Variants in ZNF487 observed in about 807,000 individuals in gnomAD.
ZNF487 encodes the protein zinc finger protein 487.
ZNF487 carries 4 observed loss-of-function variants against 3.0 expected under a neutral mutation model. The observed-to-expected ratio is 1.35, with a 90% CI of 0.66 to 3.08. ZNF487 has a LOEUF of 3.08. Ranked by LOEUF, ZNF487 falls within the 30% of genes most tolerant of loss-of-function variation. The pLI is 0.01. For missense variants in ZNF487, 146 were observed against 98.7 expected (o/e 1.48, Z -2.03); for synonymous variants, 55 against 34.6 (o/e 1.59, Z -2.06).
rs562833703 is a variant in ZNF487, at chr10:43,480,625, A to G, written c.131-804A>G. 5.9e-5 allele frequency among the ~76,000 whole-genome samples: 9 copies of G among 152,008 alleles called. No individual in the cohort carries two copies. In the South Asian group the frequency reaches 1.7e-3, roughly 28 times the overall value. On this transcript the variant is annotated intron_variant, in intron 3 of 3. Transcript: ENST00000437590. ...GAGATGGGGTTTTGCCATGTTGGCC[A>G]GGCTGGTCTGGAACGCTTGACTTCA...
rs74137730 is a variant in ZNF487, at chr10:43,437,320, A to G, written c.-94+58A>G. On this transcript the variant is annotated intron_variant, in intron 1 of 3. Coordinates refer to ENST00000437590, the MANE Select transcript of ZNF487 (RefSeq NM_001355444.3). ...TGAGGTCGAGGGCCGCACACCCAGG[A>G]TCGAGCGGGGACTGGGCCCGCTGGG... 3.4e-3 allele frequency: 613 copies of G among 181,590 alleles called. 4 individuals are homozygous for G. Among genetic ancestry groups the G allele is most frequent in the African/African-American group, 0.014 (590 of 41,644 alleles). The allele number at this position is 181,590 out of a possible 1,614,324, so 11.2% of individuals were successfully genotyped here.
At chr10:43,487,941 A>AT (rs1325313620), downstream of ZNF487, among the ~76,000 whole-genome samples, 2 of 148,880 alleles carry the variant, frequency 1.3e-5, no homozygotes, top group Non-Finnish European at 3.0e-5. Context: ...AAAAAAAAAA[A>AT]AAAAAAAAAA....
chr10:43,447,020 C>G (rs182569510), intron 1 of ZNF487, among the ~76,000 whole-genome samples: 1 of 151,852 alleles, frequency 6.6e-6, no homozygotes, highest in Non-Finnish European at 1.5e-5. Flanking sequence ...GGCGAAACCC[C>G]GTCTCCACCA....
At chr10:43,499,459 C>T in the ZNF487 span, among the ~76,000 whole-genome samples, 1 of 152,114 alleles carries the variant, frequency 6.6e-6, no homozygotes, top group Non-Finnish European at 1.5e-5. Flanking sequence ...CTCTGATGCC[C>T]AGGCTGGAGT....
At chr10:43,443,397 G>A (rs1839689024) in intron 1 of ZNF487, among the ~76,000 whole-genome samples, 1 of 144,054 alleles carries the variant, frequency 6.9e-6, no homozygotes, top group African/African-American at 2.6e-5. Flanking sequence ...TTTTTGAGAT[G>A]GAGTCTTGCT....
chr10:43,437,009 C>T (rs1292325712), upstream of ZNF487: 1 of 385,484 alleles, frequency 2.6e-6, no homozygotes, highest in Non-Finnish European at 5.5e-6. Flanking sequence ...GCCGAGCCCC[C>T]GCTAGGCACG....
chr10:43,522,865 T>G, the ZNF487 span, among the ~76,000 whole-genome samples: 1 of 152,256 alleles, frequency 6.6e-6, no homozygotes, highest in Non-Finnish European at 1.5e-5. Context: ...ATTTTTTCTT[T>G]GCCGTCACCC....
the ZNF487 span, among the ~76,000 whole-genome samples, chr10:43,505,328 A>G: frequency 4.6e-5 from 7 of 151,990 alleles, no homozygotes; most frequent in Admixed American, 1.3e-4. Context: ...TCTGTCACCT[A>G]GACTGGAGTG....
At chr10:43,451,876 T>A (rs971213131) in intron 1 of ZNF487, 8 of 152,222 alleles carry the variant, frequency 5.3e-5, no homozygotes, top group African/African-American at 1.9e-4. Context: ...GTTTGCACCA[T>A]TATTATGGGA....
At chr10:43,464,693 G>A (rs1840593863) in intron 1 of ZNF487, among the ~76,000 whole-genome samples, 1 of 152,314 alleles carries the variant, frequency 6.6e-6, no homozygotes, top group African/African-American at 2.4e-5. Flanking sequence ...TTGGGGGTAA[G>A]GTCATAGATC....
At chr10:43,516,045 G>T in the ZNF487 span, among the ~76,000 whole-genome samples, 1 of 152,118 alleles carries the variant, frequency 6.6e-6, no homozygotes, top group South Asian at 2.1e-4. Flanking sequence ...CTCTCAAAGT[G>T]CTGGGATTAT....
intron 1 of ZNF487, among the ~76,000 whole-genome samples, chr10:43,471,561 T>G (rs1190895330): frequency 6.6e-6 from 1 of 152,142 alleles, no homozygotes; most frequent in Admixed American, 6.5e-5. Context: ...GAATGTCACA[T>G]GGGCAAACTG....
At chr10:43,514,908 TC>T in the ZNF487 span, among the ~76,000 whole-genome samples, 1 of 152,130 alleles carries the variant, frequency 6.6e-6, no homozygotes, top group Non-Finnish European at 1.5e-5. Flanking sequence ...CACTCCACCA[TC>T]CCAATCTCCC....
rs898954961 is a variant in ZNF487 at position 43,475,287 on chromosome 10, G to T, written c.-93-434G>T. 3.9e-5 allele frequency among the ~76,000 whole-genome samples: 6 copies of T among 152,090 alleles called. No homozygotes were observed. The South Asian group carries it at 6.2e-4, about 16-fold the overall frequency. ...GTAATCCCAGCACTTTGGGAGGCCA[G>T]GGCAGGAGGATCGCTTGAGCCTGGA... On this transcript the variant is annotated intron_variant, in intron 1 of 3. Coordinates refer to ENST00000437590, the MANE Select transcript of ZNF487 (RefSeq NM_001355444.3).
At chr10:43,511,189 T>C in the ZNF487 span, among the ~76,000 whole-genome samples, 1 of 152,158 alleles carries the variant, frequency 6.6e-6, no homozygotes, top group Non-Finnish European at 1.5e-5. Flanking sequence ...CCTTGCAAAA[T>C]ATTGTCACCT....
At chr10:43,518,865 G>A in the ZNF487 span, among the ~76,000 whole-genome samples, 2 of 152,122 alleles carry the variant, frequency 1.3e-5, no homozygotes, top group East Asian at 1.9e-4. Context: ...CACTTGTCCC[G>A]TTTGCTCTAG....
the ZNF487 span, among the ~76,000 whole-genome samples, chr10:43,516,929 G>T: frequency 6.6e-6 from 1 of 152,260 alleles, no homozygotes; most frequent in Middle Eastern, 3.4e-3. Context: ...CTAGGCTGTA[G>T]TTTTCCTTCA....
chr10:43,455,836 C>A (rs1193408795), intron 1 of ZNF487, among the ~76,000 whole-genome samples: 1 of 152,248 alleles, frequency 6.6e-6, no homozygotes, highest in Non-Finnish European at 1.5e-5. Context: ...TGCTCTTGTG[C>A]GGACGCCACT....
the ZNF487 span, among the ~76,000 whole-genome samples, chr10:43,488,754 T>C: frequency 6.6e-6 from 1 of 152,192 alleles, no homozygotes; most frequent in African/African-American, 2.4e-5. Context: ...GCTCAATATA[T>C]ATTCACTGAA....
Sources: gnomAD v4.1 joint callset for allele counts (sites outside exome capture counted in the v4.1 genomes callset) on GRCh38, gnomAD v4.1.1 for gene constraint, MANE v1.5 for transcripts, NCBI Gene and HGNC (gene_info 2026-07-23, HGNC 2026-07-21) for gene names.